ASRGL1: variants seen among roughly 807,000 people sequenced by gnomAD.
ASRGL1 encodes the protein isoaspartyl peptidase/L-asparaginase.
A neutral mutation model predicts 22.4 loss-of-function variants in ASRGL1; 16 were observed. The observed-to-expected ratio is 0.71, with a 90% CI of 0.48 to 1.08. The LOEUF (loss-of-function observed/expected upper bound fraction) is 1.08, where lower values mean the gene tolerates loss of function less well. Ranked by LOEUF, ASRGL1 falls within the 50% of genes least tolerant of loss-of-function variation. The pLI is 0.00. For missense variants in ASRGL1, 412 were observed against 410.1 expected (o/e 1.00, Z -0.04); for synonymous variants, 165 against 159.3 (o/e 1.04, Z -0.27).
chr11:62,364,890 G>A (rs1201496175), intron 4 of ASRGL1, among the ~76,000 whole-genome samples: 5 of 151,850 alleles, frequency 3.3e-5, no homozygotes, highest in African/African-American at 7.3e-5. Context: ...CCAACATGGC[G>A]AAACCCCGTA....
intron 4 of ASRGL1, among the ~76,000 whole-genome samples, chr11:62,357,590 C>CGTATTAAT (rs985641473): frequency 1.3e-5 from 2 of 151,754 alleles, no homozygotes; most frequent in African/African-American, 4.8e-5. Context: ...AAGAATTTCA[C>CGTATTAAT]GTATTAATGT....
the ASRGL1 span, among the ~76,000 whole-genome samples, chr11:62,401,078 C>CACAG: frequency 6.6e-6 from 1 of 152,228 alleles, no homozygotes; most frequent in Non-Finnish European, 1.5e-5. Context: ...AGGGCCAGAC[C>CACAG]ACAGGGCAGC....
At chr11:62,395,677 C>A (rs1027372912), downstream of ASRGL1, among the ~76,000 whole-genome samples, 3 of 151,752 alleles carry the variant, frequency 2.0e-5, no homozygotes, top group African/African-American at 2.4e-5. Context: ...TCTTCCCGCC[C>A]CCCACCTGCT....
At chr11:62,395,770 T>A, downstream of ASRGL1, among the ~76,000 whole-genome samples, 1 of 91,988 alleles carries the variant, frequency 1.1e-5, no homozygotes, top group African/African-American at 5.1e-5. Context: ...TTTTTTTTTT[T>A]TTTTTTTTTT....
Position 62,375,482 on chromosome 11 carries a change from T to TATATA in ASRGL1, c.492-13651_492-13650insATATA, listed in dbSNP as rs1565169632. Among the ~76,000 whole-genome samples, 183 of 70,868 alleles carry TATATA rather than the reference T, an allele frequency of 2.6e-3. 14 individuals are homozygous for TATATA. The highest frequency in any genetic ancestry group is 7.5e-3 in the South Asian group (14 of 1,856). The allele number at this position is 70,868 out of a possible 152,430, so 46.5% of individuals were successfully genotyped here. On this transcript the variant is annotated intron_variant, in intron 4 of 6. Coordinates refer to ENST00000415229, the MANE Select transcript of ASRGL1 (RefSeq NM_001083926.2). ...TATATATATATATATATATATATAT[T>TATATA]TCTTGGAGTAAACATTTTAAATAAA...
At chr11:62,369,838 G>A (rs191397145) in intron 4 of ASRGL1, among the ~76,000 whole-genome samples, 2 of 152,234 alleles carry the variant, frequency 1.3e-5, no homozygotes, top group South Asian at 2.1e-4. Context: ...AAAGTCCGAC[G>A]TATTCCAGTC....
At chr11:62,391,328 A>C (rs1291406251) in intron 5 of ASRGL1, among the ~76,000 whole-genome samples, 194 bp from the exon 6 acceptor site, 2 of 152,170 alleles carry the variant, frequency 1.3e-5, no homozygotes, top group Non-Finnish European at 2.9e-5. Flanking sequence ...GGCTCCCTTT[A>C]TCCTCCTAAA....
chr11:62,364,662 G>GT (rs1012221334), intron 4 of ASRGL1, among the ~76,000 whole-genome samples: 4 of 152,180 alleles, frequency 2.6e-5, no homozygotes, highest in African/African-American at 7.2e-5. Flanking sequence ...TAATTCCTTG[G>GT]TAGGAAAAGG....
rs1454727895 is a variant in ASRGL1, at chr11:62,354,688, A to T, written c.191-1637A>T. ...GGGAGGAATCACGTCCCTCTGAAGG[A>T]CAGAGTGGGATGATGCTAGAAGTGT... is the stretch of plus-strand genomic sequence containing the variant. On this transcript the variant is annotated intron_variant, in intron 2 of 6. Coordinates refer to ENST00000415229, the MANE Select transcript of ASRGL1 (RefSeq NM_001083926.2). 2.0e-5 allele frequency among the ~76,000 whole-genome samples: 3 copies of T among 152,152 alleles called. No homozygotes were observed. In the East Asian group the frequency reaches 5.8e-4, roughly 29 times the overall value.
intron 4 of ASRGL1, among the ~76,000 whole-genome samples, chr11:62,388,402 C>T (rs1247601823): frequency 6.6e-6 from 1 of 152,152 alleles, no homozygotes; most frequent in African/African-American, 2.4e-5. Context: ...CACAGTGGCT[C>T]ACGCCTGTAA....
In ASRGL1 at chr11:62,392,907, G is replaced by T. The variant is rs1202199606; in HGVS notation, c.*623G>T. On this transcript the variant is annotated 3_prime_UTR_variant, in exon 7 of 7. Transcript: ENST00000415229. Reference sequence around the variant, plus strand: ...TGGACATTTCTAGATACTTCCAAAGGACCCTCTGGGAATCCATAGCTTCCT... The same window carrying T: ...TGGACATTTCTAGATACTTCCAAAGTACCCTCTGGGAATCCATAGCTTCCT... 1 of 153,060 alleles carries T rather than the reference G, an allele frequency of 6.5e-6. No homozygotes were observed. Among genetic ancestry groups the T allele is most frequent in the African/African-American group, 2.4e-5 (1 of 41,444 alleles). 9.5% of individuals were successfully genotyped at this position (153,060 alleles called of 1,614,324 possible).
intron 4 of ASRGL1, among the ~76,000 whole-genome samples, chr11:62,380,307 G>A (rs1947032628): frequency 2.0e-5 from 3 of 151,990 alleles, no homozygotes; most frequent in African/African-American, 7.3e-5. Flanking sequence ...ATTTTCATCG[G>A]TAATTGACTT....
chr11:62,388,241 A>G (rs182205123), intron 4 of ASRGL1, among the ~76,000 whole-genome samples: 14 of 152,228 alleles, frequency 9.2e-5, no homozygotes, highest in Non-Finnish European at 2.1e-4. Context: ...AAAACATCAT[A>G]GGTGGCACAT....
At chr11:62,389,741 G>A (rs183833371) in intron 5 of ASRGL1, 3 of 243,126 alleles carry the variant, frequency 1.2e-5, no homozygotes, top group East Asian at 1.1e-4. Context: ...GGGGAAGCAC[G>A]CCATCTCATT....
intron 4 of ASRGL1, among the ~76,000 whole-genome samples, chr11:62,370,053 C>T (rs989033844): frequency 6.6e-6 from 1 of 152,096 alleles, no homozygotes; most frequent in African/African-American, 2.4e-5. Context: ...CCACAGCGGC[C>T]GTAGCTGTGA....
At chr11:62,373,345 C>T (rs1000156768) in intron 4 of ASRGL1, among the ~76,000 whole-genome samples, 1 of 152,094 alleles carries the variant, frequency 6.6e-6, no homozygotes, top group Non-Finnish European at 1.5e-5. Flanking sequence ...CGTTAACTAC[C>T]TTTTTTTCTG....
At chr11:62,370,247 TAAAAGTCG>T (rs1489043609) in intron 4 of ASRGL1, among the ~76,000 whole-genome samples, 1 of 152,162 alleles carries the variant, frequency 6.6e-6, no homozygotes. Flanking sequence ...TGTTGCCAAT[TAAAAGTCG>T]AATCAATGCA....
downstream of ASRGL1, among the ~76,000 whole-genome samples, chr11:62,394,067 T>C (rs1947398521): frequency 7.0e-6 from 1 of 143,844 alleles, no homozygotes; most frequent in African/African-American, 2.5e-5. Flanking sequence ...ATATGGTATA[T>C]TTATTATATA....
chr11:62,355,402 T>C (rs1946259321), intron 2 of ASRGL1, among the ~76,000 whole-genome samples: 1 of 151,242 alleles, frequency 6.6e-6, no homozygotes, highest in African/African-American at 2.4e-5. Context: ...ATTTTTTGGA[T>C]TTTTAGTAGA....
Sources: gnomAD v4.1 joint callset for allele counts (sites outside exome capture counted in the v4.1 genomes callset) on GRCh38, gnomAD v4.1.1 for gene constraint, MANE v1.5 for transcripts, NCBI Gene and HGNC (gene_info 2026-07-23, HGNC 2026-07-21) for gene names.